Variants in MARCHF1 observed in about 807,000 individuals in gnomAD.
MARCHF1 encodes membrane associated ring-CH-type finger 1, also known as E3 ubiquitin-protein ligase MARCHF1.
In MARCHF1, 40 loss-of-function variants were observed where a neutral mutation model predicts 54.2. The ratio of observed to expected loss-of-function variants is 0.74; its 90% CI spans 0.57 to 0.96. The LOEUF (loss-of-function observed/expected upper bound fraction) is 0.96, where lower values mean the gene tolerates loss of function less well. MARCHF1 is among the 40% of genes least tolerant of loss of function. The pLI is 0.00. For missense variants in MARCHF1, 586 were observed against 656.5 expected (o/e 0.89, Z 1.17); for synonymous variants, 236 against 236.3 (o/e 1.00, Z 0.01).
chr4:164,333,278 T>G (rs1561005936), intron 1 of MARCHF1, among the ~76,000 whole-genome samples: 1 of 152,210 alleles, frequency 6.6e-6, no homozygotes, highest in African/African-American at 2.4e-5. Context: ...TACACAGATG[T>G]AACTCATTTT....
intron 1 of MARCHF1, among the ~76,000 whole-genome samples, chr4:164,286,552 T>G (rs1430356704): frequency 6.6e-6 from 1 of 151,852 alleles, no homozygotes; most frequent in African/African-American, 2.4e-5. Context: ...CTCAGTTTCC[T>G]TGGTACTACA....
chr4:163,704,540 G>T (rs536296031), intron 4 of MARCHF1, among the ~76,000 whole-genome samples: 51 of 151,398 alleles, frequency 3.4e-4, no homozygotes, highest in Middle Eastern at 3.4e-3. Context: ...ACTTTACAGG[G>T]TCTTTTTTTT....
intron 4 of MARCHF1, among the ~76,000 whole-genome samples, chr4:163,805,202 C>T (rs1170014385): frequency 2.0e-5 from 3 of 152,130 alleles, no homozygotes; most frequent in Admixed American, 1.3e-4. Context: ...CCTATACCTA[C>T]CTGTAAATCT....
intron 3 of MARCHF1, among the ~76,000 whole-genome samples, chr4:163,938,877 T>C (rs1191149947): frequency 2.6e-5 from 4 of 152,078 alleles, no homozygotes; most frequent in Admixed American, 2.6e-4. Flanking sequence ...CTCAGTATCA[T>C]GAGAACAGAA....
chr4:164,005,417 A>AT (rs1371239298), intron 2 of MARCHF1, among the ~76,000 whole-genome samples: 1 of 152,162 alleles, frequency 6.6e-6, no homozygotes, highest in African/African-American at 2.4e-5. Flanking sequence ...CAGCACCAGG[A>AT]TTTTCACCAG....
chr4:163,995,354 A>G (rs922775840), intron 2 of MARCHF1, among the ~76,000 whole-genome samples: 2 of 152,166 alleles, frequency 1.3e-5, no homozygotes, highest in Admixed American at 6.6e-5. Flanking sequence ...TCAGCCATCC[A>G]TAAGTTCTCT....
intron 5 of MARCHF1, among the ~76,000 whole-genome samples, chr4:163,659,813 T>C (rs1743281681): frequency 6.6e-6 from 1 of 152,134 alleles, no homozygotes; most frequent in Non-Finnish European, 1.5e-5. Context: ...TGACCATCAC[T>C]GGTCATTTGA....
chr4:163,629,455 T>C (rs1485490564), intron 5 of MARCHF1, among the ~76,000 whole-genome samples: 1 of 152,084 alleles, frequency 6.6e-6, no homozygotes, highest in Non-Finnish European at 1.5e-5. Context: ...ATAAAAACCC[T>C]AGAAGAAAAC....
At chr4:163,613,159 T>G in intron 6 of MARCHF1, 121 bp from the exon 7 acceptor site, 1 of 1,225,328 alleles carries the variant, frequency 8.2e-7, no homozygotes, top group Non-Finnish European at 1.1e-6. Context: ...AAAGATCAAC[T>G]GAAGAAAATG....
At chr4:163,613,482 C>T in intron 5 of MARCHF1, 89 bp from the exon 6 acceptor site, 9 of 1,611,934 alleles carry the variant, frequency 5.6e-6, no homozygotes, top group Non-Finnish European at 7.6e-6. Context: ...TAAAAAATTA[C>T]AACAAACGTG....
chr4:163,665,634 A>T (rs936640168), intron 5 of MARCHF1, among the ~76,000 whole-genome samples: 9 of 152,260 alleles, frequency 5.9e-5, no homozygotes, highest in South Asian at 2.1e-4. Flanking sequence ...ACTGTGAACT[A>T]GTCCCCTTTA....
rs747783340 is a variant in MARCHF1, at chr4:164,246,541, GC to G, written c.-322-134880del. 3.0e-4 allele frequency among the ~76,000 whole-genome samples: 14 copies of G among 46,386 alleles called. 5 individuals carry two copies. In the East Asian group the frequency reaches 7.1e-3, roughly 24 times the overall value. The allele number at this position is 46,386 out of a possible 152,430, so 30.4% of individuals were successfully genotyped here. A position where few individuals can be genotyped will look rare whatever the true frequency, so the allele number is the denominator to read the frequency against. ...ATTACCATTCAGGACATAGGCATGG[GC>G]AAGGACTTCATGTCTAAAACACCAA... is the stretch of plus-strand genomic sequence containing the variant. On this transcript the variant is annotated intron_variant, in intron 1 of 9. Transcript: ENST00000514618.
chr4:163,661,741 G>A (rs950826174), intron 5 of MARCHF1, among the ~76,000 whole-genome samples: 2 of 151,996 alleles, frequency 1.3e-5, no homozygotes, highest in African/African-American at 4.8e-5. Context: ...TCACCCACAA[G>A]TATTTTCTTG....
In MARCHF1 at chr4:163,949,795, C is replaced by A. The variant is rs184853952; in HGVS notation, c.-39+38706G>T. Among the ~76,000 whole-genome samples, 9 of 152,024 alleles carry A rather than the reference C, an allele frequency of 5.9e-5. No individual in the cohort carries two copies. In the East Asian group the frequency reaches 1.8e-3, roughly 30 times the overall value. On this transcript the variant is annotated intron_variant, in intron 3 of 9. Transcript: ENST00000514618. The stretch of plus-strand genomic sequence containing the variant: ...AGAGGAAACCCACAGTGAGTTGCTC[C>A]TCTTTGCAGGCAGGTTGTCCTGTCC...
chr4:164,196,871 A>G, intron 1 of MARCHF1: 1 of 1,069,620 alleles, frequency 9.3e-7, no homozygotes, highest in Non-Finnish European at 1.4e-6. Flanking sequence ...CAATGTTACA[A>G]TCAGAAAAAA....
At chr4:163,746,849 T>C (rs17044100) in intron 4 of MARCHF1, among the ~76,000 whole-genome samples, 13,917 of 152,238 alleles carry the variant, frequency 0.091, 1,152 homozygotes, top group African/African-American at 0.22. Context: ...ATCCTCATCA[T>C]TGTGTATCAG....
chr4:163,603,333 A>G (rs1560968292), intron 7 of MARCHF1, among the ~76,000 whole-genome samples: 1 of 152,098 alleles, frequency 6.6e-6, no homozygotes, highest in East Asian at 1.9e-4. Context: ...GTTTTATGAT[A>G]CCACTCCCCT....
chr4:164,035,962 G>A (rs113524140), intron 2 of MARCHF1, among the ~76,000 whole-genome samples: 5,284 of 146,992 alleles, frequency 0.036, 278 homozygotes, highest in African/African-American at 0.12. Flanking sequence ...AATTAACCAG[G>A]CATGGTGGTG....
chr4:163,742,683 G>T (rs1341063287), intron 4 of MARCHF1, among the ~76,000 whole-genome samples: 1 of 151,764 alleles, frequency 6.6e-6, no homozygotes, highest in Non-Finnish European at 1.5e-5. Flanking sequence ...TCATTATGTT[G>T]TCCAGGTTAG....
Sources: gnomAD v4.1 joint callset for allele counts (sites outside exome capture counted in the v4.1 genomes callset) on GRCh38, gnomAD v4.1.1 for gene constraint, MANE v1.5 for transcripts, NCBI Gene and HGNC (gene_info 2026-07-23, HGNC 2026-07-21) for gene names.